SKOR1: variants seen among roughly 807,000 people sequenced by gnomAD.
The protein encoded by SKOR1 is SKI family transcriptional corepressor 1, also known as LBX1 corepressor 1.
In SKOR1, 38 loss-of-function variants were observed where a neutral mutation model predicts 72.4. That is an observed-to-expected ratio of 0.52 (90% CI 0.40 to 0.69). The LOEUF (loss-of-function observed/expected upper bound fraction) is 0.69. SKOR1 is among the 30% of genes least tolerant of loss of function. SKOR1 has a pLI of 0.00. For missense variants in SKOR1, 1,320 were observed against 1,343.2 expected (o/e 0.98, Z 0.27); for synonymous variants, 642 against 599.4 (o/e 1.07, Z -1.04).
Position 67,834,279 on chromosome 15 carries a change from T to C in SKOR1, c.*443T>C, listed in dbSNP as rs920696612. On this transcript the variant is annotated 3_prime_UTR_variant, in exon 9 of 9. Coordinates refer to ENST00000380035, the MANE Select transcript of SKOR1 (RefSeq NM_001365915.1). The surrounding 1 kb of genome is among the most constrained non-coding windows in gnomAD (Gnocchi z 5.8). ...CTAATGACAAAGTGGCTATGTGCAATGGATATAAATGTACTGTGAGTCTCT... is the reference window on the plus strand; with the variant it reads ...CTAATGACAAAGTGGCTATGTGCAACGGATATAAATGTACTGTGAGTCTCT... 5.8e-5 allele frequency: 14 copies of C among 240,398 alleles called. No homozygotes were observed. Among genetic ancestry groups the C allele is most frequent in the Non-Finnish European group, 7.6e-5 (9 of 118,370 alleles). The allele number at this position is 240,398 out of a possible 1,614,324, so 14.9% of individuals were successfully genotyped here.
chr15:67,833,359 C>A lies in SKOR1; in HGVS notation c.2803+102C>A. ...GACTAGTGAGGAAGGCCACGATCCA[C>A]GTGGATCAGGATCTGTGAGGGAGAA... is the stretch of plus-strand genomic sequence containing the variant. On this transcript the variant is annotated intron_variant, in intron 8 of 8. Coordinates refer to ENST00000380035, the MANE Select transcript of SKOR1 (RefSeq NM_001365915.1). This position sits in a 1 kb window ranked among gnomAD's most constrained non-coding sequence, Gnocchi z 6.0. The A allele has an allele frequency of 8.3e-7, 1 of 1,198,640 alleles. No homozygotes were observed. The highest frequency in any genetic ancestry group is 1.2e-5 in the South Asian group (1 of 80,092). 74.3% of individuals were successfully genotyped at this position (1,198,640 alleles called of 1,614,324 possible).
rs1168573966 is a variant in SKOR1, at chr15:67,830,266, T to A, written c.2483T>A (p.Ile828Asn). The change falls in exon 4 of 9, where the codon ATC becomes AAC. Residue 828 changes from isoleucine to asparagine, a missense_variant. Transcript: ENST00000380035. ...TRKSYPDQRS[I>N]SQPSPANTDR... is the part of the protein sequence containing the mutation. Reference sequence around the variant, plus strand: ...AAATCCTATCCAGACCAAAGGAGTATCTCCCAGCCAAGTCCTGCAAATACA... The same window carrying A: ...AAATCCTATCCAGACCAAAGGAGTAACTCCCAGCCAAGTCCTGCAAATACA... The A allele has an allele frequency of 1.2e-6, 2 of 1,614,050 alleles. No individual in the cohort carries two copies. The highest frequency in any genetic ancestry group is 3.3e-5 in the Admixed American group (2 of 60,020).
chr15:67,827,734 C>T lies in SKOR1; in HGVS notation c.1906C>T (p.Pro636Ser). The T allele has an allele frequency of 6.5e-7, 1 of 1,547,096 alleles. No individual in the cohort carries two copies. Among genetic ancestry groups the T allele is most frequent in the African/African-American group, 1.4e-5 (1 of 73,110 alleles). The change falls in exon 2 of 9, where the codon CCG becomes TCG. Residue 636 changes from proline to serine, a missense_variant. Pro to Ser is a moderately conservative substitution (Grantham distance 74). This residue lies in a region of SKOR1 where 1,099 missense variants were observed against 1,025.5 expected (regional missense o/e 1.07). Transcript: ENST00000380035. ...PGAGSGGYVS[P>S]DFLSEGSSSY... is the part of the protein sequence containing the mutation. ...CGCTGGGAGCGGCGGCTACGTGAGC[C>T]CGGACTTTCTGAGCGAGGGCAGCTC...
rs1237673598 is a variant in SKOR1, at chr15:67,827,565, C to T, written c.1737C>T (p.Pro579=). ...TGCCACCGCCCCTGGCCCCGTTGCC[C>T]CCGCCGCCCCCGCCGCCCGCACGCA... is the stretch of plus-strand genomic sequence containing the variant. ...EALPPPLAPL[P]PPPPPPARKG... The change falls in exon 2 of 9, where the codon CCC becomes CCT. Residue 579 remains proline, a synonymous_variant. Coordinates refer to ENST00000380035, the MANE Select transcript of SKOR1 (RefSeq NM_001365915.1). 2.0e-6 allele frequency: 3 copies of T among 1,517,876 alleles called. No individual in the cohort carries two copies. The highest frequency in any genetic ancestry group is 2.5e-5 in the East Asian group (1 of 40,014). The allele number at this position is 1,517,876 out of a possible 1,614,324, so 94.0% of individuals were successfully genotyped here. A position where few individuals can be genotyped will look rare whatever the true frequency, so the allele number is the denominator to read the frequency against.
intron 3 of SKOR1, 99 bp from the exon 4 acceptor site, chr15:67,830,092 C>A: frequency 7.9e-7 from 1 of 1,262,132 alleles, no homozygotes; most frequent in Non-Finnish European, 1.1e-6. Flanking sequence ...GGCCACGACG[C>A]TTTTAATTAG....
chr15:67,829,131 C>G, intron 2 of SKOR1, 48 bp from the exon 3 acceptor site: 1 of 1,477,658 alleles, frequency 6.8e-7, no homozygotes, highest in Non-Finnish European at 9.0e-7. Context: ...GTCTTTGGGC[C>G]GCCGCAGGGC....
rs183439917 is a variant in SKOR1, at chr15:67,828,652, C to T, written c.2316+508C>T. Among the ~76,000 whole-genome samples the T allele has an allele frequency of 3.5e-4, 53 of 152,264 alleles. 1 individual carries two copies. The Middle Eastern group carries it at 0.014, about 39-fold the overall frequency. On this transcript the variant is annotated intron_variant, in intron 2 of 8. Coordinates refer to ENST00000380035, the MANE Select transcript of SKOR1 (RefSeq NM_001365915.1). ...TTTTCCGAGTCTCTTCGCACTCCCG[C>T]CTTGGGAACCACAGGGTTCGTTGCT...
At position 67,830,361 on chromosome 15, in the gene SKOR1, A is replaced by G. The variant is rs116071736; in HGVS notation, c.2515+63A>G. ...CCAGGAGCTGGGACCCAGGTCGCCC[A>G]GGTTCCCAGAGGCTTGCGAGAAAGG... On this transcript the variant is annotated intron_variant, in intron 4 of 8. Transcript: ENST00000380035. 4.4e-3 allele frequency: 6,074 copies of G among 1,382,486 alleles called. 206 individuals carry two copies. The African/African-American group carries it at 0.072, about 16-fold the overall frequency. 85.6% of individuals were successfully genotyped at this position (1,382,486 alleles called of 1,614,324 possible).
In SKOR1 at chr15:67,827,194, G is replaced by T; in HGVS notation, c.1366G>T (p.Gly456Cys). 2.8e-6 allele frequency: 4 copies of T among 1,424,034 alleles called. No homozygotes were observed. The highest frequency in any genetic ancestry group is 2.7e-6 in the Non-Finnish European group (3 of 1,095,348). 88.2% of individuals were successfully genotyped at this position (1,424,034 alleles called of 1,614,324 possible). ...CCCGGGGGCAGGGGCGGGCCCGGGC[G>T]GCGGCGCCATGTTCTGGGGGCATCA... is the stretch of plus-strand genomic sequence containing the variant. Reference protein sequence around the residue: ...LPPGAGAGPGGGAMFWGHQPS... With the variant: ...LPPGAGAGPGCGAMFWGHQPS... Residue 456 changes from glycine (G) to cysteine (C), a missense_variant, in exon 2 of 9, where the codon GGC (glycine) becomes TGC (cysteine). Gly to Cys is a radical substitution (Grantham distance 159, BLOSUM62 -3). This residue lies in a region of SKOR1 where 1,099 missense variants were observed against 1,025.5 expected (regional missense o/e 1.07). Coordinates refer to ENST00000380035, the MANE Select transcript of SKOR1 (RefSeq NM_001365915.1).
rs973896313 is a variant in SKOR1, at chr15:67,833,406, G to A, written c.2803+149G>A. 2.2e-6 allele frequency: 2 copies of A among 913,714 alleles called. No individual in the cohort carries two copies. Among genetic ancestry groups the A allele is most frequent in the African/African-American group, 3.3e-5 (2 of 60,698 alleles). 56.6% of individuals were successfully genotyped at this position (913,714 alleles called of 1,614,324 possible). On this transcript the variant is annotated intron_variant, in intron 8 of 8. Transcript: ENST00000380035. The surrounding 1 kb of genome is among the most constrained non-coding windows in gnomAD (Gnocchi z 6.0). ...AGAAAAGTGGGAACTGATTTTAACGGGAAGATTATTCTAGGATGGTGGGGG... is the reference window on the plus strand; with the variant it reads ...AGAAAAGTGGGAACTGATTTTAACGAGAAGATTATTCTAGGATGGTGGGGG...
At position 67,827,138 on chromosome 15, in the gene SKOR1, G is replaced by C; in HGVS notation, c.1310G>C (p.Gly437Ala). 1.4e-6 allele frequency: 2 copies of C among 1,390,988 alleles called. No individual in the cohort carries two copies. The highest frequency in any genetic ancestry group is 1.8e-5 in the South Asian group (1 of 54,880). The allele number at this position is 1,390,988 out of a possible 1,614,324, so 86.2% of individuals were successfully genotyped here. The stretch of plus-strand genomic sequence containing the variant: ...GGCGGCGGCGCGGGGACAGGCGGGG[G>C]TGCGGGGGGCCCGGGAGCCAGCCAC... ...SGGGGAGTGG[G>A]AGGPGASHLP... Residue 437 changes from glycine (G) to alanine (A), a missense_variant, in exon 2 of 9, where the codon GGT becomes GCT. By Grantham distance (60) the Gly-to-Ala change is moderately conservative (BLOSUM62 0). Around this residue, in one of 3 missense-constraint regions of SKOR1, gnomAD observed 1,099 missense variants for 1,025.5 expected, o/e 1.07. Transcript: ENST00000380035.
In SKOR1 at chr15:67,825,962, C is replaced by T. The variant is rs752127091; in HGVS notation, c.134C>T (p.Thr45Ile). Residue 45 changes from threonine to isoleucine, a missense_variant, in exon 2 of 9, where the codon ACT becomes ATT. This residue lies in a region of SKOR1 where 120 missense variants were observed against 104.9 expected (regional missense o/e 1.14). Coordinates refer to ENST00000380035, the MANE Select transcript of SKOR1 (RefSeq NM_001365915.1). This position sits in a 1 kb window ranked among gnomAD's most constrained non-coding sequence, Gnocchi z 5.6. ...LRSGGMEALT[T>I]QLGPGREGSS... ...AGCGGCGGCATGGAGGCTCTCACCA[C>T]TCAGCTGGGGCCGGGGCGCGAGGGC... is the stretch of plus-strand genomic sequence containing the variant. 3 of 1,523,074 alleles carry T rather than the reference C, an allele frequency of 2.0e-6. No individual in the cohort carries two copies. The highest frequency in any genetic ancestry group is 2.6e-6 in the Non-Finnish European group (3 of 1,136,956). 94.3% of individuals were successfully genotyped at this position (1,523,074 alleles called of 1,614,324 possible).
chr15:67,827,972 G>A lies in SKOR1; in HGVS notation c.2144G>A (p.Gly715Asp). ...GGTCCCGCAAACTCTCCCGACGGCG[G>A]CAGCCCCCGCCCCCGGCGCCGCCTC... Reference protein sequence around the residue: ...ADGPANSPDGGSPRPRRRLGP... With the variant: ...ADGPANSPDGDSPRPRRRLGP... Residue 715 changes from glycine to aspartate, a missense_variant, in exon 2 of 9, where the codon GGC becomes GAC. By Grantham distance (94) the Gly-to-Asp change is moderately conservative. This residue lies in a region of SKOR1 where 1,099 missense variants were observed against 1,025.5 expected (regional missense o/e 1.07). Coordinates refer to ENST00000380035, the MANE Select transcript of SKOR1 (RefSeq NM_001365915.1). The A allele has an allele frequency of 6.5e-7, 1 of 1,542,334 alleles. No individual in the cohort carries two copies. The highest frequency in any genetic ancestry group is 8.7e-7 in the Non-Finnish European group (1 of 1,146,352).
At chr15:67,830,597 A>T (rs1263185480) in intron 4 of SKOR1, among the ~76,000 whole-genome samples, 2 of 152,130 alleles carry the variant, frequency 1.3e-5, no homozygotes, top group African/African-American at 4.8e-5. Context: ...CTGCCCTTAG[A>T]TGGCCCATCT....
rs753125542 is a variant in SKOR1, at chr15:67,832,712, G to T, written c.2737+31G>T. 5.0e-6 allele frequency: 8 copies of T among 1,586,446 alleles called. No individual in the cohort carries two copies. The highest frequency in any genetic ancestry group is 6.1e-6 in the Non-Finnish European group (7 of 1,155,412). ...ACGGGAGTCAGGTGAGCTCGTGCAC[G>T]GGCCGTAACTGCCTCTCGTCTGGCA... On this transcript the variant is annotated intron_variant, in intron 7 of 8. Transcript: ENST00000380035. The surrounding 1 kb of genome is among the most constrained non-coding windows in gnomAD (Gnocchi z 4.5).
At chr15:67,828,717 G>C (rs574353880) in intron 2 of SKOR1, among the ~76,000 whole-genome samples, 2 of 152,030 alleles carry the variant, frequency 1.3e-5, no homozygotes, top group South Asian at 4.2e-4. Context: ...CGGGAGGGGG[G>C]CTCTCAAGCT....
At chr15:67,828,459 G>A (rs975284991) in intron 2 of SKOR1, among the ~76,000 whole-genome samples, 3 of 152,214 alleles carry the variant, frequency 2.0e-5, no homozygotes, top group African/African-American at 7.2e-5. Context: ...AAGGGGTGTG[G>A]AGAAAGAAAG....
rs2091014813 is a variant in SKOR1, at chr15:67,832,366, G to A, written c.2662+18G>A. 1.2e-6 allele frequency: 2 copies of A among 1,613,302 alleles called. No individual in the cohort carries two copies. The highest frequency in any genetic ancestry group is 1.7e-6 in the Non-Finnish European group (2 of 1,179,380). The stretch of plus-strand genomic sequence containing the variant: ...TCTCAAAGGTACCCACTGCCATCCT[G>A]CCTCACCCCACCTCATCACCGAGCC... On this transcript the variant is annotated intron_variant, in intron 6 of 8. Coordinates refer to ENST00000380035, the MANE Select transcript of SKOR1 (RefSeq NM_001365915.1). This position sits in a 1 kb window ranked among gnomAD's most constrained non-coding sequence, Gnocchi z 4.5.
In SKOR1 at chr15:67,825,734, C is replaced by T. The variant is rs752869653; in HGVS notation, c.107+25C>T. On this transcript the variant is annotated intron_variant, in intron 1 of 8. Coordinates refer to ENST00000380035, the MANE Select transcript of SKOR1 (RefSeq NM_001365915.1). This position sits in a 1 kb window ranked among gnomAD's most constrained non-coding sequence, Gnocchi z 5.6. Reference sequence around the variant, plus strand: ...GGTCTCCTTTACCCCTTCTCCTCCCCCAAGCCCCGGGGGCTGTTGTTAACG... The same window carrying T: ...GGTCTCCTTTACCCCTTCTCCTCCCTCAAGCCCCGGGGGCTGTTGTTAACG... 6 of 913,434 alleles carry T rather than the reference C, an allele frequency of 6.6e-6. No homozygotes were observed. In the East Asian group the frequency reaches 1.6e-4, roughly 24 times the overall value. The allele number at this position is 913,434 out of a possible 1,614,324, so 56.6% of individuals were successfully genotyped here.
Sources: gnomAD v4.1 joint callset for allele counts (sites outside exome capture counted in the v4.1 genomes callset) on GRCh38, gnomAD v4.1.1 for gene constraint, gnomAD v4.1.1 regional missense constraint, Gnocchi (gnomAD v3.1) non-coding constraint, MANE v1.5 for transcripts, NCBI Gene and HGNC (gene_info 2026-07-23, HGNC 2026-07-21) for gene names.